The following ITGBL1 variants were observed in gnomAD, a reference collection of about 807,000 sequenced individuals.
The protein encoded by ITGBL1 is integrin beta-like protein 1.
A neutral mutation model predicts 68.5 loss-of-function variants in ITGBL1; 51 were observed. The ratio of observed to expected loss-of-function variants is 0.74; its 90% CI spans 0.59 to 0.94. The LOEUF is 0.94. Among genes scored for constraint, ITGBL1 ranks in the 40% least tolerant of loss-of-function variants. The pLI is 0.00. For synonymous variants in ITGBL1, 209 were observed against 227.3 expected (o/e 0.92, Z 0.72); for missense variants, 649 against 647.4 (o/e 1.00, Z -0.03).
downstream of ITGBL1, chr13:101,719,227 C>T (rs1475525178): frequency 1.3e-5 from 2 of 152,038 alleles, no homozygotes; most frequent in Non-Finnish European, 2.9e-5. Context: ...ACAACCAAAT[C>T]TGATATTGTT....
At position 101,540,265 on chromosome 13, in the gene ITGBL1, A is replaced by G. The variant is rs183191423; in HGVS notation, c.317-27434A>G. Among the ~76,000 whole-genome samples the G allele has an allele frequency of 5.6e-3, 859 of 152,270 alleles. 8 individuals carry two copies. Among genetic ancestry groups the G allele is most frequent in the Non-Finnish European group, 7.7e-3 (522 of 68,018 alleles). On this transcript the variant is annotated intron_variant, in intron 2 of 10. Coordinates refer to ENST00000376180, the MANE Select transcript of ITGBL1 (RefSeq NM_004791.3). ...GGAAGGGATCCAGTTTCAGCTTTCT[A>G]CATATGGCTAGCCAGTTTTCCCAGC...
At chr13:101,716,680 A>ACTT (rs1359489284), downstream of ITGBL1, 2 of 152,070 alleles carry the variant, frequency 1.3e-5, no homozygotes, top group East Asian at 1.9e-4. Context: ...CCCTTAAAAT[A>ACTT]CTTTTTTTTC....
intron 7 of ITGBL1, among the ~76,000 whole-genome samples, chr13:101,687,610 A>G (rs1436036515): frequency 2.0e-5 from 3 of 152,100 alleles, no homozygotes. Flanking sequence ...GATAGCTTAT[A>G]ATGAGCTTTA....
rs563250546 is a variant in ITGBL1, at chr13:101,513,269, AATGCCT to A, written c.317-54429_317-54424del. 4.5e-3 allele frequency among the ~76,000 whole-genome samples: 678 copies of A among 152,200 alleles called. 4 individuals carry two copies. Among genetic ancestry groups the A allele is most frequent in the Non-Finnish European group, 7.8e-3 (527 of 67,972 alleles). ...AGTGTTGCCCCCATAGTATGTAACA[AATGCCT>A]CTCAGGTGTGACAGATGTGAGTTAT... On this transcript the variant is annotated intron_variant, in intron 2 of 10. Coordinates refer to ENST00000376180, the MANE Select transcript of ITGBL1 (RefSeq NM_004791.3).
chr13:101,595,552 G>A (rs1046108324), intron 6 of ITGBL1, among the ~76,000 whole-genome samples: 1 of 151,980 alleles, frequency 6.6e-6, no homozygotes, highest in Non-Finnish European at 1.5e-5. Flanking sequence ...GACCTGAATA[G>A]ACATTTTTCC....
At chr13:101,498,240 A>C (rs563903527) in intron 2 of ITGBL1, among the ~76,000 whole-genome samples, 85 of 152,254 alleles carry the variant, frequency 5.6e-4, no homozygotes, top group East Asian at 1.5e-3. Context: ...TTGAAATCCC[A>C]GTGAGTAGCC....
At chr13:101,598,338 T>G in intron 7 of ITGBL1, 39 bp downstream of exon 7, 1 of 1,468,762 alleles carries the variant, frequency 6.8e-7, no homozygotes. Context: ...GGCCTCTCCA[T>G]CACAATTCAA....
At chr13:101,635,430 A>G (rs1401817110) in intron 7 of ITGBL1, among the ~76,000 whole-genome samples, 1 of 152,154 alleles carries the variant, frequency 6.6e-6, no homozygotes, top group African/African-American at 2.4e-5. Context: ...CAATTTAGTC[A>G]TAAACAAATA....
intron 7 of ITGBL1, among the ~76,000 whole-genome samples, chr13:101,613,567 T>G (rs1003478424): frequency 6.6e-6 from 1 of 152,096 alleles, no homozygotes; most frequent in Non-Finnish European, 1.5e-5. Context: ...TTTGGCCAGA[T>G]TGGAGTATTG....
intron 2 of ITGBL1, among the ~76,000 whole-genome samples, chr13:101,541,520 G>T (rs546707008): frequency 1.3e-5 from 2 of 151,552 alleles, no homozygotes; most frequent in African/African-American, 4.9e-5. Context: ...TTCTCTTTTT[G>T]TTGTTGTGTC....
At chr13:101,708,054 C>T (rs1363922285) in intron 9 of ITGBL1, among the ~76,000 whole-genome samples, 1 of 149,834 alleles carries the variant, frequency 6.7e-6, no homozygotes, top group Middle Eastern at 3.5e-3. Flanking sequence ...CACACACACA[C>T]ACACACACAC....
At chr13:101,648,188 A>G (rs1816544) in intron 7 of ITGBL1, among the ~76,000 whole-genome samples, 143,433 of 152,198 alleles carry the variant, frequency 0.94, 68,158 homozygotes, top group East Asian at 1. Context: ...ATAAAAATAT[A>G]TCCAAACAAA....
chr13:101,622,137 C>A (rs763359425), intron 7 of ITGBL1, among the ~76,000 whole-genome samples: 9 of 152,080 alleles, frequency 5.9e-5, no homozygotes, highest in Non-Finnish European at 1.0e-4. Flanking sequence ...TGTGATTAAA[C>A]TTTTGTTCTT....
At chr13:101,637,329 G>T (rs2032202853) in intron 7 of ITGBL1, among the ~76,000 whole-genome samples, 1 of 149,616 alleles carries the variant, frequency 6.7e-6, no homozygotes, top group Non-Finnish European at 1.5e-5. Context: ...AAGTCAAAAT[G>T]ATTGGAACAG....
At chr13:101,652,256 C>T (rs1049064615) in intron 7 of ITGBL1, among the ~76,000 whole-genome samples, 2 of 152,136 alleles carry the variant, frequency 1.3e-5, no homozygotes, top group African/African-American at 4.8e-5. Flanking sequence ...ATCCTCCTGC[C>T]TCAGCCTCCA....
At chr13:101,641,300 T>C (rs2032358075) in intron 7 of ITGBL1, among the ~76,000 whole-genome samples, 1 of 152,176 alleles carries the variant, frequency 6.6e-6, no homozygotes, top group African/African-American at 2.4e-5. Flanking sequence ...ACTTTAATAA[T>C]CTGCCAGTCA....
chr13:101,662,880 T>C (rs2139482353), intron 7 of ITGBL1, among the ~76,000 whole-genome samples: 1 of 152,310 alleles, frequency 6.6e-6, no homozygotes, highest in Admixed American at 6.5e-5. Flanking sequence ...CATGATTTTT[T>C]GACTATTCGC....
At chr13:101,516,233 C>T (rs1047849004) in intron 2 of ITGBL1, among the ~76,000 whole-genome samples, 4 of 152,062 alleles carry the variant, frequency 2.6e-5, no homozygotes, top group Non-Finnish European at 2.9e-5. Context: ...TGAAAGCAGG[C>T]TTTCTTTGTT....
intron 3 of ITGBL1, among the ~76,000 whole-genome samples, chr13:101,571,659 T>C (rs748483410): frequency 6.6e-6 from 1 of 152,156 alleles, no homozygotes; most frequent in Non-Finnish European, 1.5e-5. Flanking sequence ...CTCTTCCTTC[T>C]CTGTGCATGT....
Sources: allele counts gnomAD v4.1 joint callset (sites outside exome capture counted in the v4.1 genomes callset), GRCh38; gene constraint gnomAD v4.1.1; transcripts MANE v1.5; gene names NCBI Gene and HGNC (gene_info 2026-07-23, HGNC 2026-07-21).